Variants in QTMAN observed in about 807,000 individuals in gnomAD.
QTMAN encodes the protein queuosine-tRNA mannosyltransferase, also known as tRNA-queuosine alpha-mannosyltransferase.
chr2:144,300,873 G>A, the QTMAN span, among the ~76,000 whole-genome samples: 2 of 152,096 alleles, frequency 1.3e-5, no homozygotes, highest in Admixed American at 1.3e-4. Context: ...AGCTAAGGAG[G>A]ATGAGTAATG....
At chr2:144,007,730 G>A in the QTMAN span, among the ~76,000 whole-genome samples, 1 of 152,082 alleles carries the variant, frequency 6.6e-6, no homozygotes, top group African/African-American at 2.4e-5. Flanking sequence ...GGACTGGGCT[G>A]TCTTTGAATA....
chr2:144,192,127 G>C, the QTMAN span, among the ~76,000 whole-genome samples: 1 of 149,216 alleles, frequency 6.7e-6, no homozygotes, highest in East Asian at 2.0e-4. Context: ...TTTTCTTTTT[G>C]AGTGAGTCTC....
the QTMAN span, among the ~76,000 whole-genome samples, chr2:144,063,116 A>G: frequency 3.3e-5 from 5 of 152,334 alleles, no homozygotes; most frequent in African/African-American, 1.2e-4. Flanking sequence ...TTACGATGTA[A>G]GACTGGAACA....
At chr2:144,169,753 T>C in the QTMAN span, among the ~76,000 whole-genome samples, 2 of 152,234 alleles carry the variant, frequency 1.3e-5, no homozygotes, top group South Asian at 2.1e-4. Flanking sequence ...TATCCTTATA[T>C]TACTGTCCTC....
the QTMAN span, among the ~76,000 whole-genome samples, chr2:144,100,896 G>A: frequency 9.3e-6 from 1 of 108,018 alleles, no homozygotes; most frequent in Non-Finnish European, 1.7e-5. Context: ...TTGAGATGGA[G>A]TCCTGCTCTG....
the QTMAN span, among the ~76,000 whole-genome samples, chr2:144,100,354 T>C: frequency 6.6e-6 from 1 of 152,236 alleles, no homozygotes. Flanking sequence ...CCAAGTTTTC[T>C]TGCTTGTGTA....
At chr2:144,298,993 G>GA in the QTMAN span, among the ~76,000 whole-genome samples, 1 of 152,108 alleles carries the variant, frequency 6.6e-6, no homozygotes, top group East Asian at 1.9e-4. Context: ...GCCCTGGCAG[G>GA]AGACTTTTTT....
At chr2:144,233,300 T>G in the QTMAN span, among the ~76,000 whole-genome samples, 1 of 152,098 alleles carries the variant, frequency 6.6e-6, no homozygotes, top group South Asian at 2.1e-4. Flanking sequence ...AAAGAAAATA[T>G]CTAAGAGAGT....
chr2:144,237,905 C>T, the QTMAN span, among the ~76,000 whole-genome samples: 1 of 152,178 alleles, frequency 6.6e-6, no homozygotes, highest in Admixed American at 6.5e-5. Context: ...TCAAGCCATC[C>T]TAGGGAAAGG....
the QTMAN span, chr2:144,235,643 T>C: frequency 2.3e-4 from 35 of 152,686 alleles, no homozygotes; most frequent in African/African-American, 8.4e-4. Flanking sequence ...ACGGAATTGA[T>C]GGAGATATAA....
chr2:144,246,566 C>T, the QTMAN span, among the ~76,000 whole-genome samples: 4,938 of 119,428 alleles, frequency 0.041, 128 homozygotes, highest in Middle Eastern at 0.09. Flanking sequence ...GGCGACAGAG[C>T]GAGACTCCGT....
chr2:144,321,206 C>T, the QTMAN span, among the ~76,000 whole-genome samples: 18 of 152,190 alleles, frequency 1.2e-4, no homozygotes, highest in Non-Finnish European at 2.4e-4. Flanking sequence ...ACCTATCACC[C>T]ACCACCCACG....
the QTMAN span, among the ~76,000 whole-genome samples, chr2:144,234,745 C>T: frequency 6.6e-6 from 1 of 152,180 alleles, no homozygotes; most frequent in Admixed American, 6.5e-5. Flanking sequence ...CTGAGCCTAT[C>T]TAATTTCCGG....
At chr2:144,067,585 A>C in the QTMAN span, among the ~76,000 whole-genome samples, 1 of 152,216 alleles carries the variant, frequency 6.6e-6, no homozygotes, top group East Asian at 1.9e-4. Context: ...CCATCACATT[A>C]TAAATAGCCA....
chr2:144,148,092 T>A, the QTMAN span, among the ~76,000 whole-genome samples: 1 of 151,728 alleles, frequency 6.6e-6, no homozygotes, highest in East Asian at 1.9e-4. Context: ...TAGGAAAAAT[T>A]TGAATATGGG....
chr2:144,062,701 T>C, the QTMAN span, among the ~76,000 whole-genome samples: 2 of 152,218 alleles, frequency 1.3e-5, no homozygotes, highest in East Asian at 1.9e-4. Context: ...TTATTTATTA[T>C]AACTACCATG....
the QTMAN span, chr2:144,178,926 T>A: frequency 2.1e-6 from 1 of 467,812 alleles, no homozygotes; most frequent in South Asian, 1.6e-5. Flanking sequence ...TCCATTCTCA[T>A]CTCTCCTGTT....
the QTMAN span, among the ~76,000 whole-genome samples, chr2:144,184,680 AT>A: frequency 2.6e-5 from 4 of 152,148 alleles, no homozygotes; most frequent in African/African-American, 9.7e-5. Context: ...AACCAAAAAA[AT>A]CATTCAATTT....
At chr2:144,243,647 T>C in the QTMAN span, among the ~76,000 whole-genome samples, 521 of 152,324 alleles carry the variant, frequency 3.4e-3, 2 homozygotes, top group African/African-American at 0.012. Context: ...CTAGACCATA[T>C]ATAGTGTTAA....
Sources: allele counts gnomAD v4.1 joint callset (sites outside exome capture counted in the v4.1 genomes callset), GRCh38; gene constraint gnomAD v4.1.1; transcripts MANE v1.5; gene names NCBI Gene and HGNC (gene_info 2026-07-23, HGNC 2026-07-21).